Variants in LY6K observed in about 807,000 individuals in gnomAD.
LY6K encodes the protein lymphocyte antigen 6K.
A neutral mutation model predicts 10.4 loss-of-function variants in LY6K; 9 were observed. The observed-to-expected ratio is 0.87, with a 90% CI of 0.52 to 1.52. The LOEUF (loss-of-function observed/expected upper bound fraction) is 1.52. Ranked by LOEUF, LY6K falls within the 40% of genes most tolerant of loss-of-function variation. LY6K has a pLI of 0.00. For missense variants in LY6K, 217 were observed against 211.7 expected (o/e 1.02, Z -0.15); for synonymous variants, 98 against 83.7 (o/e 1.17, Z -0.94).
Position 142,700,628 on chromosome 8 carries a change from C to G in LY6K, c.101C>G (p.Thr34Arg). Residue 34 changes from threonine (T) to arginine (R), a missense_variant and splice_region_variant, in exon 1 of 3, where the codon ACG (threonine) becomes AGG (arginine). Thr to Arg is a moderately conservative substitution (Grantham distance 71). Transcript: ENST00000292430. ...RQRDPEDSQR[T>R]DEGDNRVWCH... ...CGAGATCCAGAGGACTCCCAGCGAA[C>G]GGGTGAGCCTGGCTCGCCCTCCACA... The G allele has an allele frequency of 6.5e-7, 1 of 1,538,280 alleles. No homozygotes were observed. The highest frequency in any genetic ancestry group is 8.7e-7 in the Non-Finnish European group (1 of 1,143,070).
rs1554639972 is a variant in LY6K, at chr8:142,700,630, G to A, written c.103G>A (p.Asp35Asn). 3 of 1,534,356 alleles carry A rather than the reference G, an allele frequency of 2.0e-6. No homozygotes were observed. Among genetic ancestry groups the A allele is most frequent in the African/African-American group, 2.9e-5 (2 of 69,886 alleles). Residue 35 changes from aspartate (D) to asparagine (N), a missense_variant and splice_region_variant, in exon 1 of 3, where the codon GAC becomes AAC. Coordinates refer to ENST00000292430, the MANE Select transcript of LY6K (RefSeq NM_017527.4). ...AGATCCAGAGGACTCCCAGCGAACG[G>A]GTGAGCCTGGCTCGCCCTCCACAGC... ...QRDPEDSQRT[D>N]EGDNRVWCHV...
Position 142,703,381 on chromosome 8 carries a change from C to G in LY6K, c.*10C>G, listed in dbSNP as rs782299836. On this transcript the variant is annotated 3_prime_UTR_variant, in exon 3 of 3. Transcript: ENST00000292430. ...CCTCAGCCTGTCTTGAGCCACGGGA[C>G]TGCCACAGACTGAGCCTTCCGGAGC... 1 of 1,601,488 alleles carries G rather than the reference C, an allele frequency of 6.2e-7. No individual in the cohort carries two copies. The highest frequency in any genetic ancestry group is 1.7e-5 in the Admixed American group (1 of 59,704).
Position 142,700,236 on chromosome 8 carries a change from C to T in LY6K, c.-292C>T. 6.7e-6 allele frequency: 6 copies of T among 899,536 alleles called. No homozygotes were observed. Among genetic ancestry groups the T allele is most frequent in the Non-Finnish European group, 8.5e-6 (6 of 702,158 alleles). The allele number at this position is 899,536 out of a possible 1,614,324, so 55.7% of individuals were successfully genotyped here. On this transcript the variant is annotated 5_prime_UTR_variant, in exon 1 of 3. In the 5' UTR this introduces an upstream ATG that the reference lacks. Transcript: ENST00000292430. ...TGGGCTCAGGGGCTGCGTTTCCACA[C>T]GCGCCTTTCCCAGGGCTCCCGCGCC...
In LY6K at chr8:142,701,721, T is replaced by C. The variant is rs1554640185; in HGVS notation, c.217+8T>C. On this transcript the variant is annotated splice_region_variant and intron_variant, in intron 2 of 2. Transcript: ENST00000292430. ...GCGTTATAGCGGCCGTGAGTGAGTA[T>C]CTTCGCTCTTGTTGGGGACCCAAAG... The C allele has an allele frequency of 6.3e-7, 1 of 1,593,294 alleles. No homozygotes were observed.
At chr8:142,702,466 G>T in intron 2 of LY6K, 1 of 1,534,140 alleles carries the variant, frequency 6.5e-7, no homozygotes, top group South Asian at 1.2e-5. Flanking sequence ...CCTCCCCAAG[G>T]GGAATCTGGA....
In LY6K at chr8:142,704,283, T is replaced by C. The variant is rs1213043837; in HGVS notation, c.*912T>C. 1.3e-5 allele frequency: 2 copies of C among 152,228 alleles called. No homozygotes were observed. Among genetic ancestry groups the C allele is most frequent in the African/African-American group, 4.8e-5 (2 of 41,470 alleles). The allele number at this position is 152,228 out of a possible 1,614,324, so 9.4% of individuals were successfully genotyped here. ...AGCCATTCAGTTCATCCCTAAAGAA[T>C]TGGGCACCCTGGGAATTTAACCATG... is the stretch of plus-strand genomic sequence containing the variant. On this transcript the variant is annotated 3_prime_UTR_variant, in exon 3 of 3. Transcript: ENST00000292430.
rs781951363 is a variant in LY6K at position 142,703,124 on chromosome 8, A to G, written c.251A>G (p.Gln84Arg). The stretch of plus-strand genomic sequence containing the variant: ...CCACGTTTTTTCATGGTTGCGAAGC[A>G]GTGCTCCGCTGGTTGTGCAGCGATG... ...IFPRFFMVAK[Q>R]CSAGCAAMER... The change falls in exon 3 of 3, where the codon CAG becomes CGG. Residue 84 changes from glutamine to arginine, a missense_variant. By Grantham distance (43) the Gln-to-Arg change is conservative. Coordinates refer to ENST00000292430, the MANE Select transcript of LY6K (RefSeq NM_017527.4). 1.7e-5 allele frequency: 27 copies of G among 1,614,076 alleles called. 1 individual carries two copies. The South Asian group carries it at 2.7e-4, about 16-fold the overall frequency.
intron 2 of LY6K, chr8:142,702,690 C>T (rs1281954763): frequency 6.6e-7 from 1 of 1,510,760 alleles, no homozygotes; most frequent in Non-Finnish European, 8.9e-7. Context: ...TGAGACAAGA[C>T]CCCCAGCTCA....
intron 2 of LY6K, chr8:142,702,652 C>T (rs1815084735): frequency 3.3e-6 from 5 of 1,527,366 alleles, no homozygotes; most frequent in Non-Finnish European, 4.4e-6. Context: ...ATGATTTGTA[C>T]AGTGATGTAT....
At chr8:142,700,929 T>A (rs1257913076) in intron 1 of LY6K, among the ~76,000 whole-genome samples, 5 of 151,852 alleles carry the variant, frequency 3.3e-5, no homozygotes, top group African/African-American at 1.2e-4. Flanking sequence ...TGAGAACCGT[T>A]CAAGCTGCGG....
chr8:142,700,262 C>G lies in LY6K; in HGVS notation c.-266C>G. 8.0e-6 allele frequency: 9 copies of G among 1,129,350 alleles called. No individual in the cohort carries two copies. Among genetic ancestry groups the G allele is most frequent in the Non-Finnish European group, 1.0e-5 (9 of 901,010 alleles). The allele number at this position is 1,129,350 out of a possible 1,614,324, so 70.0% of individuals were successfully genotyped here. On this transcript the variant is annotated 5_prime_UTR_variant, in exon 1 of 3. Coordinates refer to ENST00000292430, the MANE Select transcript of LY6K (RefSeq NM_017527.4). ...GCGCCTTTCCCAGGGCTCCCGCGCC[C>G]GTTCCTGCCTGGCCGCCGGCCGCTC...
At chr8:142,702,127 G>A (rs1172636509) in intron 2 of LY6K, 3 of 277,730 alleles carry the variant, frequency 1.1e-5, no homozygotes, top group Non-Finnish European at 2.1e-5. Flanking sequence ...CCTTTAAAAT[G>A]TGAAGAGCAA....
chr8:142,703,218 T>C lies in LY6K; in HGVS notation c.345T>C (p.Cys115=). ...EEPMPFFYLK[C]CKIRYCNLEG... ...CCATGCCCTTCTTTTACCTCAAGTG[T>C]TGTAAAATTCGCTACTGCAATTTAG... Residue 115 remains cysteine (C), a synonymous_variant, in exon 3 of 3, where the codon TGT becomes TGC. Transcript: ENST00000292430. 1 of 1,614,198 alleles carries C rather than the reference T, an allele frequency of 6.2e-7. No individual in the cohort carries two copies. Among genetic ancestry groups the C allele is most frequent in the South Asian group, 1.1e-5 (1 of 91,080 alleles).
rs1048831 is a variant in LY6K, at chr8:142,700,440, G to A, written c.-88G>A. 695,175 of 1,460,768 alleles carry A rather than the reference G, an allele frequency of 0.48. 166,936 individuals carry two copies. The highest frequency in any genetic ancestry group is 0.57 in the African/African-American group (38,582 of 68,244). The allele number at this position is 1,460,768 out of a possible 1,614,324, so 90.5% of individuals were successfully genotyped here. ...GGGGCTCCCCCTACCGGCCAGACCC[G>A]GGGAGAGGCGCGCGGAGGCTGCGAA... On this transcript the variant is annotated 5_prime_UTR_variant, in exon 1 of 3. Transcript: ENST00000292430.
chr8:142,702,664 AG>A, intron 2 of LY6K: 1 of 1,518,800 alleles, frequency 6.6e-7, no homozygotes, highest in Non-Finnish European at 8.8e-7. Flanking sequence ...GTGATGTATA[AG>A]ATGAAGTGTG....
rs1554640154 is a variant in LY6K at position 142,701,670 on chromosome 8, G to C, written c.174G>C (p.Arg58Ser). Residue 58 changes from arginine to serine, a missense_variant, in exon 2 of 3, where the codon AGG becomes AGC. Transcript: ENST00000292430. The stretch of plus-strand genomic sequence containing the variant: ...ACACTTTCGAGTGCCAGAACCCAAG[G>C]AGGTGCAAATGGACAGAGCCATACT... ...RENTFECQNP[R>S]RCKWTEPYCV... 2 of 1,614,084 alleles carry C rather than the reference G, an allele frequency of 1.2e-6. No homozygotes were observed. Among genetic ancestry groups the C allele is most frequent in the East Asian group, 4.5e-5 (2 of 44,884 alleles).
Position 142,703,274 on chromosome 8 carries a change from A to G in LY6K, c.401A>G (p.Lys134Arg). ...CCACCTATCAACTCATCAGTGTTCA[A>G]AGAATATGCTGGGAGCATGGGTGAG... Reference protein sequence around the residue: ...EGPPINSSVFKEYAGSMGESC... With the variant: ...EGPPINSSVFREYAGSMGESC... Residue 134 changes from lysine to arginine, a missense_variant, in exon 3 of 3, where the codon AAA (lysine) becomes AGA (arginine). Physicochemically the swap from Lys to Arg is conservative, Grantham distance 26. Coordinates refer to ENST00000292430, the MANE Select transcript of LY6K (RefSeq NM_017527.4). 6.2e-7 allele frequency: 1 copy of G among 1,614,124 alleles called. No individual in the cohort carries two copies. Among genetic ancestry groups the G allele is most frequent in the Non-Finnish European group, 8.5e-7 (1 of 1,180,036 alleles).
At position 142,704,740 on chromosome 8, in the gene LY6K, G is replaced by C. The variant is rs1435433274; in HGVS notation, c.*1369G>C. 2.0e-5 allele frequency: 3 copies of C among 152,114 alleles called. No individual in the cohort carries two copies. Among genetic ancestry groups the C allele is most frequent in the Non-Finnish European group, 4.4e-5 (3 of 68,014 alleles). The allele number at this position is 152,114 out of a possible 1,614,324, so 9.4% of individuals were successfully genotyped here. On this transcript the variant is annotated 3_prime_UTR_variant, in exon 3 of 3. Coordinates refer to ENST00000292430, the MANE Select transcript of LY6K (RefSeq NM_017527.4). ...TCTAGGTAGTCATTGCTTTGCTTGT[G>C]CTTTGCCTTCAGGAGTGTACTGGTT...
In LY6K at chr8:142,703,661, C is replaced by G; in HGVS notation, c.*290C>G. 1 of 405,708 alleles carries G rather than the reference C, an allele frequency of 2.5e-6. No individual in the cohort carries two copies. Among genetic ancestry groups the G allele is most frequent in the Non-Finnish European group, 4.5e-6 (1 of 223,366 alleles). The allele number at this position is 405,708 out of a possible 1,614,324, so 25.1% of individuals were successfully genotyped here. Reference sequence around the variant, plus strand: ...TGCTGATGGCCACTCTTTTCCTTGACTCCCCTCTGCCTCTGAGGGCTTCAG... The same window carrying G: ...TGCTGATGGCCACTCTTTTCCTTGAGTCCCCTCTGCCTCTGAGGGCTTCAG... On this transcript the variant is annotated 3_prime_UTR_variant, in exon 3 of 3. Transcript: ENST00000292430.
Sources: gnomAD v4.1 joint callset for allele counts (sites outside exome capture counted in the v4.1 genomes callset) on GRCh38, gnomAD v4.1.1 for gene constraint, MANE v1.5 for transcripts, NCBI Gene and HGNC (gene_info 2026-07-23, HGNC 2026-07-21) for gene names.